The following MRTFA variants were observed in gnomAD, a reference collection of about 807,000 sequenced individuals.
MRTFA encodes the protein myocardin-related transcription factor A.
MRTFA carries 20 observed loss-of-function variants against 83.5 expected under a neutral mutation model. The ratio of observed to expected loss-of-function variants is 0.24; its 90% CI spans 0.17 to 0.35. The LOEUF (loss-of-function observed/expected upper bound fraction) is 0.35, where lower values mean the gene tolerates loss of function less well. Among genes scored for constraint, MRTFA ranks in the 10% least tolerant of loss-of-function variants. The pLI is 1.00. For synonymous variants in MRTFA, 659 were observed against 541.2 expected (o/e 1.22, Z -3.02); for missense variants, 1,200 against 1,224.7 (o/e 0.98, Z 0.30).
At chr22:40,578,115 G>A (rs1261501772) in intron 2 of MRTFA, among the ~76,000 whole-genome samples, 1 of 151,806 alleles carries the variant, frequency 6.6e-6, no homozygotes, top group Non-Finnish European at 1.5e-5. Context: ...CACCATGCCT[G>A]GCTAATTTTT....
At chr22:40,508,847 CAA>C (rs67844311) in intron 3 of MRTFA, among the ~76,000 whole-genome samples, 65 of 110,932 alleles carry the variant, frequency 5.9e-4, no homozygotes, top group Admixed American at 7.4e-4. Flanking sequence ...CTGCCTCTAC[CAA>C]AAAAAAAAAA....
rs760816016 is a variant in MRTFA, at chr22:40,417,377, G to C, written c.2481C>G (p.Gly827=). Residue 827 remains glycine (G), a synonymous_variant, in exon 13 of 15, where the codon GGC becomes GGG. Transcript: ENST00000355630. ...GCTGCTGGCTCATGGCTTCCTCATA[G>C]CCAGGTGGTTCCTTCTTCAGCAGAG... is the stretch of plus-strand genomic sequence containing the variant. 1 of 1,611,740 alleles carries C rather than the reference G, an allele frequency of 6.2e-7. No individual in the cohort carries two copies. The highest frequency in any genetic ancestry group is 1.1e-5 in the South Asian group (1 of 90,756).
At chr22:40,505,724 A>G (rs1409830385) in intron 3 of MRTFA, among the ~76,000 whole-genome samples, 1 of 152,132 alleles carries the variant, frequency 6.6e-6, no homozygotes. Context: ...ATGCCATATG[A>G]GGACACAGCG....
chr22:40,423,374 G>A (rs184904187), intron 9 of MRTFA, among the ~76,000 whole-genome samples, 162 bp downstream of exon 9: 29 of 152,328 alleles, frequency 1.9e-4, no homozygotes, highest in Admixed American at 2.6e-4. Flanking sequence ...GCAACAGCCA[G>A]TGTCATGATG....
rs546496306 is a variant in MRTFA, at chr22:40,520,814, CAT to C, written c.241+31290_241+31291del. Among the ~76,000 whole-genome samples, 603 of 152,224 alleles carry C rather than the reference CAT, an allele frequency of 4.0e-3. 10 individuals carry two copies. Among genetic ancestry groups the C allele is most frequent in the Non-Finnish European group, 1.5e-3 (101 of 68,010 alleles). ...TTTTGTTTATTCATCAACTGAAAGA[CAT>C]GTGGGTTGTTTCCACTTTTTAGCTA... On this transcript the variant is annotated intron_variant, in intron 3 of 14. Transcript: ENST00000355630.
chr22:40,598,996 C>T (rs536250956), intron 1 of MRTFA, among the ~76,000 whole-genome samples: 184 of 110,854 alleles, frequency 1.7e-3, no homozygotes, highest in African/African-American at 4.3e-3. Flanking sequence ...GAAACTCCAT[C>T]TAAAAAAAAA....
intron 3 of MRTFA, among the ~76,000 whole-genome samples, chr22:40,493,673 T>G (rs1016567657): frequency 5.3e-5 from 8 of 152,222 alleles, no homozygotes; most frequent in Admixed American, 2.0e-4. Flanking sequence ...AAATGATTTG[T>G]CATCAAGGAT....
chr22:40,435,957 AC>A (rs2053162249), intron 4 of MRTFA, among the ~76,000 whole-genome samples: 1 of 151,088 alleles, frequency 6.6e-6, no homozygotes, highest in East Asian at 1.9e-4. Context: ...AAAAAAAATC[AC>A]ATTACTGTTA....
Position 40,424,270 on chromosome 22 carries a change from G to T in MRTFA, c.713C>A (p.Pro238Gln). 1 of 1,611,004 alleles carries T rather than the reference G, an allele frequency of 6.2e-7. No homozygotes were observed. Among genetic ancestry groups the T allele is most frequent in the Non-Finnish European group, 8.5e-7 (1 of 1,178,968 alleles). The change falls in exon 8 of 15, where the codon CCG (proline) becomes CAG (glutamine). Residue 238 changes from proline (P) to glutamine (Q), a missense_variant. Pro to Gln is a moderately conservative substitution (Grantham distance 76, BLOSUM62 -1). Transcript: ENST00000355630. Reference sequence around the variant, plus strand: ...GCTGACTCGGGCCTCCAGGGGTGACGGCACAGAACCCTGGGACTCATGGCT... The same window carrying T: ...GCTGACTCGGGCCTCCAGGGGTGACTGCACAGAACCCTGGGACTCATGGCT...
At chr22:40,528,928 T>G (rs900444183) in intron 3 of MRTFA, among the ~76,000 whole-genome samples, 2 of 152,082 alleles carry the variant, frequency 1.3e-5, no homozygotes, top group Non-Finnish European at 2.9e-5. Context: ...TGTTAATGTA[T>G]TCCAAGACAA....
chr22:40,613,921 C>G (rs1376466856), intron 1 of MRTFA, among the ~76,000 whole-genome samples: 1 of 151,598 alleles, frequency 6.6e-6, no homozygotes, highest in East Asian at 1.9e-4. Context: ...AAAAATAAGC[C>G]GGGCGTGGTG....
At chr22:40,635,910 C>G (rs1174194460) in intron 1 of MRTFA, among the ~76,000 whole-genome samples, 1 of 152,160 alleles carries the variant, frequency 6.6e-6, no homozygotes, top group African/African-American at 2.4e-5. Flanking sequence ...CAAAGGTACC[C>G]GAAGCGGGGA....
At chr22:40,593,217 C>T (rs2056146273) in intron 2 of MRTFA, among the ~76,000 whole-genome samples, 3 of 152,254 alleles carry the variant, frequency 2.0e-5, no homozygotes, top group Non-Finnish European at 1.5e-5. Flanking sequence ...TTTCCTTCTC[C>T]AGAAAACAAA....
intron 2 of MRTFA, among the ~76,000 whole-genome samples, chr22:40,579,260 T>G (rs759880239): frequency 1.3e-5 from 2 of 152,212 alleles, no homozygotes; most frequent in East Asian, 3.8e-4. Flanking sequence ...TTAAGATGAA[T>G]AGCCATAATA....
intron 1 of MRTFA, among the ~76,000 whole-genome samples, chr22:40,627,657 G>A (rs1193638646): frequency 6.6e-6 from 1 of 152,146 alleles, no homozygotes; most frequent in Non-Finnish European, 1.5e-5. Flanking sequence ...TATACATCAT[G>A]GTAGGAAGCC....
Position 40,561,676 on chromosome 22 carries a change from C to T in MRTFA, c.-21-9309G>A, listed in dbSNP as rs370787666. The stretch of plus-strand genomic sequence containing the variant: ...CTTCATCTTGGAAATCATCTAAAAA[C>T]GAGGAGTACAAGCAACAGAAAAATA... On this transcript the variant is annotated intron_variant, in intron 2 of 14. Transcript: ENST00000355630. 3.4e-4 allele frequency among the ~76,000 whole-genome samples: 51 copies of T among 152,038 alleles called. 1 individual carries two copies. The highest frequency in any genetic ancestry group is 2.1e-3 in the East Asian group (11 of 5,166).
At chr22:40,631,934 C>T (rs1040453652) in intron 1 of MRTFA, among the ~76,000 whole-genome samples, 2 of 152,210 alleles carry the variant, frequency 1.3e-5, no homozygotes, top group Non-Finnish European at 2.9e-5. Flanking sequence ...ACTGTCGTGG[C>T]CAGCCTCCAA....
At chr22:40,586,994 A>C in intron 2 of MRTFA, 1 of 464,362 alleles carries the variant, frequency 2.2e-6, no homozygotes, top group Non-Finnish European at 4.4e-6. Flanking sequence ...TGGCCTGGCA[A>C]AGCCTGGTGT....
At chr22:40,526,987 TGCAGCG>T (rs1330115740) in intron 3 of MRTFA, among the ~76,000 whole-genome samples, 1 of 151,284 alleles carries the variant, frequency 6.6e-6, no homozygotes, top group African/African-American at 2.4e-5. Context: ...AATACTGGGG[TGCAGCG>T]GTACACGCCT....
Sources: allele counts gnomAD v4.1 joint callset (sites outside exome capture counted in the v4.1 genomes callset), GRCh38; gene constraint gnomAD v4.1.1; transcripts MANE v1.5; gene names NCBI Gene and HGNC (gene_info 2026-07-23, HGNC 2026-07-21).